The following TSPEAR variants were observed in gnomAD, a reference collection of about 807,000 sequenced individuals.
TSPEAR encodes thrombospondin type laminin G domain and EAR repeats.
Under a neutral mutation model 71.6 loss-of-function variants are expected in TSPEAR, and 69 were observed. That is an observed-to-expected ratio of 0.96 (90% CI 0.79 to 1.18). The LOEUF (loss-of-function observed/expected upper bound fraction) is 1.18. Ranked by LOEUF, TSPEAR falls within the 50% of genes most tolerant of loss-of-function variation. TSPEAR has a pLI of 0.00. For missense variants in TSPEAR, 971 were observed against 894.9 expected (o/e 1.09, Z -1.09); for synonymous variants, 402 against 387.2 (o/e 1.04, Z -0.45).
intron 1 of TSPEAR, among the ~76,000 whole-genome samples, chr21:44,599,279 C>G (rs11702525): frequency 1.9e-4 from 29 of 151,974 alleles, no homozygotes; most frequent in African/African-American, 6.8e-4. Flanking sequence ...TTCATCCCAC[C>G]GTGTAACTGA....
At position 44,531,127 on chromosome 21, in the gene TSPEAR, G is replaced by T. The variant is rs374525571; in HGVS notation, c.549C>A (p.Ala183=). The change falls in exon 4 of 12, where the codon GCC becomes GCA. Residue 183 remains alanine (A), a synonymous_variant. Coordinates refer to ENST00000323084, the MANE Select transcript of TSPEAR (RefSeq NM_144991.3). ...TDCGLPVDIM[A]DVPFPATLSV... is the part of the protein sequence containing the mutation. ...ACAGGGTGGCTGGGAAGGGCACATC[G>T]GCCATTCTGAAAATATCAAAGGACT... 1 of 1,613,542 alleles carries T rather than the reference G, an allele frequency of 6.2e-7. No homozygotes were observed.
chr21:44,580,253 G>A lies in TSPEAR; in HGVS notation c.83-12248C>T, dbSNP rs374796810. 56 of 1,613,882 alleles carry A rather than the reference G, an allele frequency of 3.5e-5. 1 individual carries two copies. In the Middle Eastern group the frequency reaches 9.9e-4, roughly 29 times the overall value. On this transcript the variant is annotated intron_variant, in intron 1 of 11. Transcript: ENST00000323084. ...CTGGCAGCTAGACTGCTGGCAGCAT[G>A]AAGAGGAATCCTTAGAGCAGGTGGG... is the stretch of plus-strand genomic sequence containing the variant.
At chr21:44,696,308 T>C (rs8129342) in intron 1 of TSPEAR, among the ~76,000 whole-genome samples, 110,828 of 152,120 alleles carry the variant, frequency 0.73, 40,703 homozygotes, top group Middle Eastern at 0.84. Context: ...TGATTTCCCA[T>C]GTCCCTTGCT....
intron 1 of TSPEAR, among the ~76,000 whole-genome samples, chr21:44,688,173 T>C (rs999403804): frequency 1.4e-5 from 2 of 147,104 alleles, no homozygotes; most frequent in South Asian, 2.3e-4. Context: ...CTTTGGAGAA[T>C]TGGGCTATGA....
In TSPEAR at chr21:44,623,251, C is replaced by T. The variant is rs1555933819; in HGVS notation, c.83-55246G>A. 6.6e-6 allele frequency among the ~76,000 whole-genome samples: 1 copy of T among 152,226 alleles called. No homozygotes were observed. Among genetic ancestry groups the T allele is most frequent in the Non-Finnish European group, 1.5e-5 (1 of 68,046 alleles). ...GCAAGATTCAACCCACTACACTCAT[C>T]TACTTCCTCCTGAGTTGTATATTCT... On this transcript the variant is annotated intron_variant, in intron 1 of 11. Transcript: ENST00000323084. The surrounding 1 kb of genome is among the most constrained non-coding windows in gnomAD (Gnocchi z 4.5).
chr21:44,683,066 G>T (rs1986687091), intron 1 of TSPEAR, among the ~76,000 whole-genome samples: 1 of 151,994 alleles, frequency 6.6e-6, no homozygotes, highest in Admixed American at 6.6e-5. Flanking sequence ...ACCCCCTACA[G>T]CCCGGCACCA....
intron 1 of TSPEAR, among the ~76,000 whole-genome samples, chr21:44,662,351 T>TC (rs1985539439): frequency 6.6e-6 from 1 of 152,128 alleles, no homozygotes; most frequent in Non-Finnish European, 1.5e-5. Flanking sequence ...TATATTAATA[T>TC]CAAAGTCAAC....
rs896185893 is a variant in TSPEAR, at chr21:44,642,648, C to T, written c.82+68785G>A. ...CACGAGGTCAGGAGATCGAGACCAT[C>T]CTGGCTAACACGGTGAAACCCCGTC... On this transcript the variant is annotated intron_variant, in intron 1 of 11. Coordinates refer to ENST00000323084, the MANE Select transcript of TSPEAR (RefSeq NM_144991.3). The surrounding 1 kb of genome is among the most constrained non-coding windows in gnomAD (Gnocchi z 4.1). Among the ~76,000 whole-genome samples the T allele has an allele frequency of 6.6e-6, 1 of 152,136 alleles. No individual in the cohort carries two copies. Among genetic ancestry groups the T allele is most frequent in the Admixed American group, 6.5e-5 (1 of 15,274 alleles).
At chr21:44,559,974 C>G (rs1210950514) in intron 2 of TSPEAR, among the ~76,000 whole-genome samples, 2 of 152,124 alleles carry the variant, frequency 1.3e-5, no homozygotes, top group African/African-American at 4.8e-5. Context: ...GGAGGACTAC[C>G]TGGCAAAGTC....
intron 1 of TSPEAR, among the ~76,000 whole-genome samples, chr21:44,609,026 G>A (rs1555930370): frequency 6.6e-6 from 1 of 152,132 alleles, no homozygotes; most frequent in Non-Finnish European, 1.5e-5. Flanking sequence ...AATGCAATGG[G>A]GCAGCAAAAA....
intron 2 of TSPEAR, among the ~76,000 whole-genome samples, chr21:44,538,008 C>T (rs2053119665): frequency 6.6e-6 from 1 of 152,204 alleles, no homozygotes; most frequent in South Asian, 2.1e-4. Context: ...CCACGCAGAC[C>T]CCGCCCCCCA....
At chr21:44,654,851 G>A (rs587735969) in intron 1 of TSPEAR, among the ~76,000 whole-genome samples, 35 of 51,984 alleles carry the variant, frequency 6.7e-4, no homozygotes, top group African/African-American at 5.1e-4. Flanking sequence ...AGCAGACCGT[G>A]TGTTTCCTGG....
At position 44,646,987 on chromosome 21, in the gene TSPEAR, G is replaced by A. The variant is rs782792758; in HGVS notation, c.82+64446C>T. ...CTGCCAGCAGTCTAGCTGCCAGCCAGCTTGCTGCACCTCCTCCTCCTACCA... is the reference window on the plus strand; with the variant it reads ...CTGCCAGCAGTCTAGCTGCCAGCCAACTTGCTGCACCTCCTCCTCCTACCA... On this transcript the variant is annotated intron_variant, in intron 1 of 11. Coordinates refer to ENST00000323084, the MANE Select transcript of TSPEAR (RefSeq NM_144991.3). The A allele has an allele frequency of 2.5e-6, 4 of 1,613,452 alleles. No homozygotes were observed. In the East Asian group the frequency reaches 6.7e-5, roughly 27 times the overall value.
intron 9 of TSPEAR, chr21:44,518,526 G>C (rs1460678141): frequency 2.5e-6 from 1 of 405,064 alleles, no homozygotes; most frequent in Non-Finnish European, 5.2e-6. Context: ...TTGTGATTTA[G>C]AATGCAGGAC....
chr21:44,527,410 G>A lies in TSPEAR; in HGVS notation c.1031C>T (p.Thr344Ile). The part of the protein sequence containing the change: ...RIPQVGLFVA[T>I]ANRKATSAVY... The stretch of plus-strand genomic sequence containing the variant: ...GGCGGATGTGGCTTTGCGATTGGCT[G>A]TGGCCACAAAGAGCCCCACCTGAGG... The change falls in exon 7 of 12, where the codon ACA (threonine) becomes ATA (isoleucine). Residue 344 changes from threonine to isoleucine, a missense_variant. Physicochemically the swap from Thr to Ile is moderately conservative, Grantham distance 89. Transcript: ENST00000323084. The A allele has an allele frequency of 1.9e-6, 3 of 1,614,216 alleles. No individual in the cohort carries two copies. The highest frequency in any genetic ancestry group is 1.1e-5 in the South Asian group (1 of 91,082).
chr21:44,649,147 C>G (rs1000067603), intron 1 of TSPEAR, among the ~76,000 whole-genome samples: 1 of 152,196 alleles, frequency 6.6e-6, no homozygotes, highest in Non-Finnish European at 1.5e-5. Flanking sequence ...TCCTGGGGAC[C>G]GGGGGAGGGT....
At chr21:44,516,508 T>TC (rs1299784248) in intron 9 of TSPEAR, 1 of 152,180 alleles carries the variant, frequency 6.6e-6, no homozygotes, top group African/African-American at 2.4e-5. Flanking sequence ...CCTTCTCCCC[T>TC]CCCCCAAGCA....
intron 11 of TSPEAR, among the ~76,000 whole-genome samples, chr21:44,502,305 A>T (rs905956151): frequency 6.6e-6 from 1 of 152,230 alleles, no homozygotes; most frequent in Admixed American, 6.5e-5. Flanking sequence ...ATCTTTAGCT[A>T]GGGAAGCAAG....
chr21:44,614,314 T>G (rs1167046122), intron 1 of TSPEAR, among the ~76,000 whole-genome samples: 4 of 152,260 alleles, frequency 2.6e-5, no homozygotes, highest in African/African-American at 9.6e-5. Flanking sequence ...CCGTGCACTT[T>G]GCATCACCAG....
Sources: gnomAD v4.1 joint callset for allele counts (sites outside exome capture counted in the v4.1 genomes callset) on GRCh38, gnomAD v4.1.1 for gene constraint, Gnocchi (gnomAD v3.1) non-coding constraint, MANE v1.5 for transcripts, NCBI Gene and HGNC (gene_info 2026-07-23, HGNC 2026-07-21) for gene names.